CHLSN: variants seen among roughly 807,000 people sequenced by gnomAD.
CHLSN encodes protein cholesin.
chr7:1,004,025 G>A, the CHLSN span, among the ~76,000 whole-genome samples: 919 of 150,378 alleles, frequency 6.1e-3, 5 homozygotes, highest in Middle Eastern at 0.017. Context: ...TCCTGCGGGT[G>A]GGGAGTCCTG....
chr7:1,102,407 A>C, the CHLSN span, among the ~76,000 whole-genome samples: 1 of 152,326 alleles, frequency 6.6e-6, no homozygotes, highest in African/African-American at 2.4e-5. Context: ...CGGCGTCTGC[A>C]GCCACACTCA....
At chr7:1,041,806 C>A in the CHLSN span, among the ~76,000 whole-genome samples, 1 of 151,540 alleles carries the variant, frequency 6.6e-6, no homozygotes, top group East Asian at 2.0e-4. Context: ...TCCCCGCCCC[C>A]CCGAGAAAGC....
At chr7:1,135,596 A>G in the CHLSN span, among the ~76,000 whole-genome samples, 874 of 151,302 alleles carry the variant, frequency 5.8e-3, 4 homozygotes, top group Admixed American at 8.2e-3. Context: ...GTGAAACCCC[A>G]TCTTTACTGA....
chr7:1,019,701 T>C, the CHLSN span, among the ~76,000 whole-genome samples: 9 of 152,216 alleles, frequency 5.9e-5, no homozygotes, highest in Admixed American at 5.9e-4. Context: ...GGGCCCCCAC[T>C]GCAGCCAGGG....
At chr7:1,092,575 C>T in the CHLSN span, 3 of 1,610,838 alleles carry the variant, frequency 1.9e-6, no homozygotes, top group African/African-American at 2.7e-5. Context: ...CAGCGTGCAC[C>T]TCCTGCAGCG....
the CHLSN span, among the ~76,000 whole-genome samples, chr7:1,005,485 G>A: frequency 6.6e-6 from 1 of 152,252 alleles, no homozygotes; most frequent in Non-Finnish European, 1.5e-5. Context: ...CCCGAGCGGG[G>A]CTGGCGCGGA....
chr7:1,003,104 TGGAGTCCTGTGGGTGG>T, the CHLSN span, among the ~76,000 whole-genome samples: 1 of 13,810 alleles, frequency 7.2e-5, no homozygotes, highest in Non-Finnish European at 1.3e-4. Flanking sequence ...TGTGGGTGAG[TGGAGTCCTGTGGGTGG>T]GGAGTCCTGT....
the CHLSN span, among the ~76,000 whole-genome samples, chr7:1,135,366 T>C: frequency 1.3e-5 from 2 of 152,130 alleles, no homozygotes; most frequent in Admixed American, 6.6e-5. Flanking sequence ...TATATATATA[T>C]ACATGGTCAT....
the CHLSN span, among the ~76,000 whole-genome samples, chr7:1,051,675 T>C: frequency 1.3e-5 from 2 of 152,180 alleles, no homozygotes; most frequent in African/African-American, 4.8e-5. Flanking sequence ...ATGAGAGTTA[T>C]TTAAAAAACA....
chr7:988,594 G>A, the CHLSN span: 2 of 1,601,532 alleles, frequency 1.2e-6, no homozygotes, highest in Middle Eastern at 1.7e-4. Flanking sequence ...TCCAGGAGCA[G>A]GCCTGGTGCA....
the CHLSN span, among the ~76,000 whole-genome samples, chr7:1,103,305 G>A: frequency 6.6e-6 from 1 of 152,214 alleles, no homozygotes; most frequent in Non-Finnish European, 1.5e-5. Context: ...TCGGGTGAAA[G>A]CGTCAAAGTG....
At chr7:1,092,352 C>T in the CHLSN span, 18 of 1,610,948 alleles carry the variant, frequency 1.1e-5, no homozygotes, top group African/African-American at 9.3e-5. Context: ...GCTTCTGTTT[C>T]GCGGATGTCC....
the CHLSN span, among the ~76,000 whole-genome samples, chr7:1,047,015 C>G: frequency 1.3e-5 from 2 of 152,224 alleles, no homozygotes; most frequent in Non-Finnish European, 2.9e-5. Context: ...AGTAGAGACT[C>G]TCTGTTCTTG....
chr7:1,005,463 T>C, the CHLSN span, among the ~76,000 whole-genome samples: 34 of 152,298 alleles, frequency 2.2e-4, no homozygotes, highest in East Asian at 5.2e-3. Context: ...GACGACCCAA[T>C]GCCCATGAAG....
chr7:996,226 C>A, the CHLSN span, among the ~76,000 whole-genome samples: 5 of 152,296 alleles, frequency 3.3e-5, no homozygotes, highest in East Asian at 9.7e-4. Flanking sequence ...AACAACAGCC[C>A]GGAGCCTGTG....
the CHLSN span, among the ~76,000 whole-genome samples, chr7:1,102,512 G>C: frequency 6.6e-6 from 1 of 152,192 alleles, no homozygotes; most frequent in African/African-American, 2.4e-5. Flanking sequence ...GGACGGTCTT[G>C]CTTCTTTGGT....
At chr7:1,034,792 T>TCCTCCCA in the CHLSN span, among the ~76,000 whole-genome samples, 2,497 of 84,780 alleles carry the variant, frequency 0.029, 93 homozygotes, top group East Asian at 0.25. Context: ...TCCTCCTCCC[T>TCCTCCCA]CCTCCCACCT....
the CHLSN span, among the ~76,000 whole-genome samples, chr7:1,052,565 C>T: frequency 1.7e-4 from 26 of 152,154 alleles, no homozygotes; most frequent in African/African-American, 3.4e-4. This position sits in a 1 kb window ranked among gnomAD's most constrained non-coding sequence, Gnocchi z 4.2. Context: ...CTGCCAGGGA[C>T]GGCCTGGCCT....
the CHLSN span, among the ~76,000 whole-genome samples, chr7:1,072,484 T>C: frequency 6.6e-6 from 1 of 152,174 alleles, no homozygotes; most frequent in African/African-American, 2.4e-5. Flanking sequence ...CTTCTGCGCT[T>C]AGGCATATGA....
Sources: gnomAD v4.1 joint callset for allele counts (sites outside exome capture counted in the v4.1 genomes callset) on GRCh38, gnomAD v4.1.1 for gene constraint, Gnocchi (gnomAD v3.1) non-coding constraint, MANE v1.5 for transcripts, NCBI Gene and HGNC (gene_info 2026-07-23, HGNC 2026-07-21) for gene names.